Variants in FTCDNL1 observed in about 807,000 individuals in gnomAD.
FTCDNL1 encodes formiminotransferase cyclodeaminase N-terminal like.
FTCDNL1 carries 11 observed loss-of-function variants against 5.9 expected under a neutral mutation model. That is an observed-to-expected ratio of 1.87 (90% confidence interval 1.18 to 3.10). The LOEUF (loss-of-function observed/expected upper bound fraction) is 3.10, where lower values mean the gene tolerates loss of function less well. FTCDNL1 is among the 30% of genes most tolerant of loss of function. The pLI is 0.00. For missense variants in FTCDNL1, 115 were observed against 65.5 expected (o/e 1.76, Z -2.61); for synonymous variants, 58 against 24.8 (o/e 2.34, Z -3.99).
In FTCDNL1 at chr2:199,819,735, C is replaced by G. The variant is rs1701572152; in HGVS notation, c.234G>C (p.Leu78=). Residue 78 remains leucine, a synonymous_variant, in exon 4 of 5, where the codon CTG becomes CTC. Transcript: ENST00000420128. ...DKLGLAEDLV[L]HVPGCSVFLF... Reference sequence around the variant, plus strand: ...GAAACACGCTGCAGCCAGGAACATGCAGCACCAGATCCTCAGCAAGGCCTG... The same window carrying G: ...GAAACACGCTGCAGCCAGGAACATGGAGCACCAGATCCTCAGCAAGGCCTG... 1.4e-6 allele frequency: 1 copy of G among 702,198 alleles called. No individual in the cohort carries two copies. Among genetic ancestry groups the G allele is most frequent in the Non-Finnish European group, 2.6e-6 (1 of 384,708 alleles). The allele number at this position is 702,198 out of a possible 1,614,324, so 43.5% of individuals were successfully genotyped here.
the FTCDNL1 span, among the ~76,000 whole-genome samples, chr2:199,699,365 G>A: frequency 3.9e-5 from 6 of 152,018 alleles, no homozygotes; most frequent in Admixed American, 2.0e-4. Flanking sequence ...TACCTGGGGG[G>A]CTCACCTATG....
At chr2:199,672,405 T>C in the FTCDNL1 span, among the ~76,000 whole-genome samples, 2 of 152,238 alleles carry the variant, frequency 1.3e-5, no homozygotes, top group African/African-American at 2.4e-5. Context: ...CTTAAATAGA[T>C]GAATTTGGCT....
chr2:199,778,207 G>T (rs1403473749), intron 3 of FTCDNL1, among the ~76,000 whole-genome samples: 1 of 152,126 alleles, frequency 6.6e-6, no homozygotes, highest in Admixed American at 6.5e-5. Flanking sequence ...ACATATTTAG[G>T]TCTGGAGAGG....
the FTCDNL1 span, among the ~76,000 whole-genome samples, chr2:199,680,596 T>A: frequency 6.6e-6 from 1 of 152,108 alleles, no homozygotes; most frequent in East Asian, 1.9e-4. Flanking sequence ...GAGGCAGATG[T>A]AGGGGGATAA....
chr2:199,701,414 T>C, the FTCDNL1 span, among the ~76,000 whole-genome samples: 1 of 148,672 alleles, frequency 6.7e-6, no homozygotes, highest in African/African-American at 2.5e-5. Context: ...GGTGGGAATG[T>C]AAATTAGTTC....
At chr2:199,673,327 CA>C in the FTCDNL1 span, among the ~76,000 whole-genome samples, 25,329 of 69,656 alleles carry the variant, frequency 0.36, 1,584 homozygotes, top group South Asian at 0.48. Context: ...GACTCTGTCT[CA>C]AAAAAAAAAA....
At chr2:199,793,678 A>T (rs2106372594) in intron 3 of FTCDNL1, among the ~76,000 whole-genome samples, 1 of 152,346 alleles carries the variant, frequency 6.6e-6, no homozygotes, top group East Asian at 1.9e-4. Flanking sequence ...CATAGCACAC[A>T]TGAGTAAAGA....
the FTCDNL1 span, among the ~76,000 whole-genome samples, chr2:199,706,656 T>C: frequency 6.6e-6 from 1 of 152,148 alleles, no homozygotes; most frequent in Non-Finnish European, 1.5e-5. Flanking sequence ...AGGCCATTGG[T>C]TACTGTTTAT....
At chr2:199,849,237 A>C (rs572106240) in intron 1 of FTCDNL1, among the ~76,000 whole-genome samples, 14 of 152,342 alleles carry the variant, frequency 9.2e-5, no homozygotes, top group Admixed American at 2.6e-4. Context: ...ATGTAAGTGA[A>C]AGTTTTTCAT....
chr2:199,788,668 GAAGA>G (rs1334267756), intron 3 of FTCDNL1, among the ~76,000 whole-genome samples: 1 of 151,654 alleles, frequency 6.6e-6, no homozygotes, highest in East Asian at 1.9e-4. Flanking sequence ...AAGAAACTAG[GAAGA>G]ATTAATAATA....
chr2:199,788,334 G>C (rs575153514), intron 3 of FTCDNL1, among the ~76,000 whole-genome samples: 1 of 152,054 alleles, frequency 6.6e-6, no homozygotes, highest in African/African-American at 2.4e-5. Context: ...GAAATTCTAG[G>C]GGAATATTTT....
the FTCDNL1 span, among the ~76,000 whole-genome samples, chr2:199,715,164 T>C: frequency 2.6e-5 from 4 of 151,958 alleles, no homozygotes; most frequent in African/African-American, 9.7e-5. Context: ...TTCAGACTTT[T>C]TGTAATTCAA....
intron 3 of FTCDNL1, among the ~76,000 whole-genome samples, chr2:199,820,133 T>C (rs1701594134): frequency 6.6e-6 from 1 of 152,222 alleles, no homozygotes; most frequent in South Asian, 2.1e-4. Flanking sequence ...AACAATGTTA[T>C]AATAGCCCCA....
the FTCDNL1 span, among the ~76,000 whole-genome samples, chr2:199,664,421 C>A: frequency 7.8e-3 from 1,190 of 152,220 alleles, 35 homozygotes; most frequent in Non-Finnish European, 4.9e-3. Flanking sequence ...TAGCTTTTTT[C>A]TTCCTGAATT....
intron 1 of FTCDNL1, 62 bp from the exon 2 acceptor site, chr2:199,849,031 T>C: frequency 3.0e-6 from 2 of 661,076 alleles, no homozygotes; most frequent in East Asian, 2.7e-5. Context: ...ATGTTTTAAC[T>C]ATAAAAAAAT....
rs1427365221 is a variant in FTCDNL1, at chr2:199,810,258, C to T, written c.*2447G>A. On this transcript the variant is annotated 3_prime_UTR_variant, in exon 5 of 5. Coordinates refer to ENST00000420128, the MANE Select transcript of FTCDNL1 (RefSeq NM_001363886.2). ...CCACTCCCTCTCTCCGAAACAAACT[C>T]CTGTCATTATTGAATTAGGTTAATA... 2.0e-5 allele frequency among the ~76,000 whole-genome samples: 3 copies of T among 152,210 alleles called. No individual in the cohort carries two copies. The highest frequency in any genetic ancestry group is 2.9e-5 in the Non-Finnish European group (2 of 68,022).
At chr2:199,825,157 GA>G (rs1423196443) in intron 3 of FTCDNL1, among the ~76,000 whole-genome samples, 1 of 149,790 alleles carries the variant, frequency 6.7e-6, no homozygotes, top group East Asian at 2.0e-4. Flanking sequence ...AAAAGAAAAA[GA>G]AAAAGAAAAA....
chr2:199,696,279 A>G, the FTCDNL1 span, among the ~76,000 whole-genome samples: 1 of 152,192 alleles, frequency 6.6e-6, no homozygotes, highest in African/African-American at 2.4e-5. Context: ...TGCCACTGGC[A>G]CATATGCATG....
chr2:199,753,939 A>G, the FTCDNL1 span, among the ~76,000 whole-genome samples: 1 of 152,334 alleles, frequency 6.6e-6, no homozygotes, highest in African/African-American at 2.4e-5. Flanking sequence ...GTTAACAAGA[A>G]AACTACATTA....
Sources: allele counts gnomAD v4.1 joint callset (sites outside exome capture counted in the v4.1 genomes callset), GRCh38; gene constraint gnomAD v4.1.1; transcripts MANE v1.5; gene names NCBI Gene and HGNC (gene_info 2026-07-23, HGNC 2026-07-21).